The following PDE4D variants were observed in gnomAD, a reference collection of about 807,000 sequenced individuals.
The protein encoded by PDE4D is 3',5'-cyclic-AMP phosphodiesterase 4D.
PDE4D carries 24 observed loss-of-function variants against 87.4 expected under a neutral mutation model. The observed-to-expected ratio is 0.27, with a 90% CI of 0.20 to 0.39. The LOEUF (loss-of-function observed/expected upper bound fraction) is 0.39. Ranked by LOEUF, PDE4D falls within the 10% of genes least tolerant of loss-of-function variation. The pLI, the probability that PDE4D is intolerant of heterozygous loss-of-function variation, is 1.00. For synonymous variants in PDE4D, 384 were observed against 383.2 expected, an observed-to-expected ratio of 1.00 and a Z score of -0.02; for missense variants, 714 against 1,041.0, an observed-to-expected ratio of 0.69 and a Z score of 4.32.
chr5:60,302,961 C>G lies in PDE4D; in HGVS notation c.-89-117274G>C, dbSNP rs1268284318. 3.3e-5 allele frequency among the ~76,000 whole-genome samples: 5 copies of G among 152,234 alleles called. No individual in the cohort carries two copies. The East Asian group carries it at 9.7e-4, about 29-fold the overall frequency. On this transcript the variant is annotated intron_variant, in intron 1 of 16. Coordinates refer to the PDE4D transcript ENST00000502484. ...TGTCCTGCCTCAGGCTCCCAAGTAG[C>G]TGGGACTACAGGTGCGTGCCACACA...
chr5:59,030,434 A>C (rs940478945), intron 6 of PDE4D, among the ~76,000 whole-genome samples: 2 of 150,530 alleles, frequency 1.3e-5, no homozygotes, highest in Admixed American at 1.3e-4. Context: ...AAAAAAAAAA[A>C]AAAAAAAAAA....
intron 1 of PDE4D, among the ~76,000 whole-genome samples, chr5:60,483,448 T>C (rs1372491713): frequency 6.6e-6 from 1 of 152,230 alleles, no homozygotes; most frequent in African/African-American, 2.4e-5. Flanking sequence ...ATAACCCTTT[T>C]TCTTTGAGAA....
At chr5:60,150,554 T>C (rs560736851) in intron 2 of PDE4D, among the ~76,000 whole-genome samples, 27 of 152,262 alleles carry the variant, frequency 1.8e-4, no homozygotes, top group African/African-American at 6.3e-4. Flanking sequence ...CTATGCTCAC[T>C]GGTCTGATGG....
At chr5:59,175,745 T>A (rs1442131675) in intron 5 of PDE4D, among the ~76,000 whole-genome samples, 1 of 151,076 alleles carries the variant, frequency 6.6e-6, no homozygotes, top group Non-Finnish European at 1.5e-5. Context: ...CCCAAAGTGC[T>A]GGGATTACAG....
intron 3 of PDE4D, among the ~76,000 whole-genome samples, chr5:59,905,615 C>T (rs889169950): frequency 6.6e-6 from 1 of 151,766 alleles, no homozygotes; most frequent in African/African-American, 2.4e-5. Flanking sequence ...GTTTTTTCAT[C>T]GATGAAAATA....
At chr5:59,445,318 A>G (rs1181540547) in intron 1 of PDE4D, among the ~76,000 whole-genome samples, 2 of 152,238 alleles carry the variant, frequency 1.3e-5, no homozygotes, top group Non-Finnish European at 2.9e-5. Flanking sequence ...GCATTCAAGA[A>G]ACATATCCAG....
intron 1 of PDE4D, among the ~76,000 whole-genome samples, chr5:59,447,140 T>C (rs913707048): frequency 6.6e-6 from 1 of 152,202 alleles, no homozygotes; most frequent in African/African-American, 2.4e-5. Flanking sequence ...AAGATTGATG[T>C]TATGTAGACT....
intron 1 of PDE4D, among the ~76,000 whole-genome samples, chr5:59,416,145 T>C (rs62357500): frequency 0.088 from 13,390 of 152,262 alleles, 703 homozygotes; most frequent in Middle Eastern, 0.16. Flanking sequence ...TGTCAGAAAA[T>C]GAACAACTCA....
At chr5:59,092,655 A>T (rs1365472945) in intron 5 of PDE4D, among the ~76,000 whole-genome samples, 23 of 152,134 alleles carry the variant, frequency 1.5e-4, no homozygotes, top group Non-Finnish European at 2.9e-5. Flanking sequence ...TCAGATCTGA[A>T]TTTGAATACC....
intron 1 of PDE4D, among the ~76,000 whole-genome samples, chr5:60,303,456 G>A (rs547332346): frequency 7.2e-5 from 11 of 151,956 alleles, no homozygotes; most frequent in Admixed American, 1.3e-4. Flanking sequence ...CTACAGGCGC[G>A]CGCCACCACG....
chr5:59,232,132 C>A (rs114599320), intron 1 of PDE4D, among the ~76,000 whole-genome samples: 3 of 151,990 alleles, frequency 2.0e-5, no homozygotes, highest in Non-Finnish European at 4.4e-5. Context: ...TCCCTTAAGA[C>A]GTCAAAGCAT....
At chr5:59,026,671 C>T (rs1397672246) in intron 6 of PDE4D, among the ~76,000 whole-genome samples, 2 of 151,724 alleles carry the variant, frequency 1.3e-5, no homozygotes, top group Non-Finnish European at 2.9e-5. Context: ...ATTAGGAAAG[C>T]CTGAGGTGGG....
intron 2 of PDE4D, among the ~76,000 whole-genome samples, chr5:60,086,142 T>C (rs570269860): frequency 1.3e-5 from 2 of 152,106 alleles, no homozygotes; most frequent in Non-Finnish European, 2.9e-5. Flanking sequence ...CTAGAAAAAA[T>C]ACATATTTTT....
At chr5:59,716,464 C>G (rs752671543) in intron 1 of PDE4D, among the ~76,000 whole-genome samples, 1 of 152,170 alleles carries the variant, frequency 6.6e-6, no homozygotes, top group South Asian at 2.1e-4. Context: ...ATGTGATAAA[C>G]AGGTAACCCT....
At chr5:59,808,406 T>C (rs1425245298) in intron 1 of PDE4D, among the ~76,000 whole-genome samples, 3 of 152,220 alleles carry the variant, frequency 2.0e-5, no homozygotes, top group Admixed American at 1.3e-4. Flanking sequence ...ACCATTTTGG[T>C]TTTAACATAC....
At chr5:59,161,885 C>T (rs1022182279) in intron 5 of PDE4D, among the ~76,000 whole-genome samples, 1 of 152,128 alleles carries the variant, frequency 6.6e-6, no homozygotes, top group Non-Finnish European at 1.5e-5. Context: ...TTGATGATTA[C>T]GCACAAAGAG....
intron 1 of PDE4D, among the ~76,000 whole-genome samples, chr5:59,724,172 G>A (rs1756263102): frequency 6.6e-6 from 1 of 152,026 alleles, no homozygotes; most frequent in South Asian, 2.1e-4. Flanking sequence ...GAAACCTGGA[G>A]AGAATAGCCT....
In PDE4D at chr5:59,278,931, C is replaced by T. The variant is rs147873022; in HGVS notation, c.456-62963G>A. ...CTTTCTCTTATCATCCAATGGTGAGCGTGACTTGTGAGACTTATGACATTT... is the reference window on the plus strand; with the variant it reads ...CTTTCTCTTATCATCCAATGGTGAGTGTGACTTGTGAGACTTATGACATTT... On this transcript the variant is annotated intron_variant, in intron 1 of 14. Coordinates refer to ENST00000340635, the MANE Select transcript of PDE4D (RefSeq NM_001104631.2). 2.3e-4 allele frequency among the ~76,000 whole-genome samples: 35 copies of T among 152,114 alleles called. No individual in the cohort carries two copies. In the East Asian group the frequency reaches 5.2e-3, roughly 23 times the overall value.
intron 1 of PDE4D, among the ~76,000 whole-genome samples, chr5:59,296,843 C>T (rs1325838745): frequency 6.6e-6 from 1 of 152,030 alleles, no homozygotes; most frequent in Non-Finnish European, 1.5e-5. Flanking sequence ...CAAGGTTAGG[C>T]AAGGTTAGCT....
Sources: allele counts gnomAD v4.1 joint callset (sites outside exome capture counted in the v4.1 genomes callset), GRCh38; gene constraint gnomAD v4.1.1; transcripts MANE v1.5; gene names NCBI Gene and HGNC (gene_info 2026-07-23, HGNC 2026-07-21).